Variants in ELAVL2 observed in about 807,000 individuals in gnomAD.
ELAVL2 encodes ELAV-like protein 2.
In ELAVL2, 4 loss-of-function variants were observed where a neutral mutation model predicts 34.6. The observed-to-expected ratio is 0.12, with a 90% confidence interval of 0.06 to 0.26. The LOEUF is 0.26. Ranked by LOEUF, ELAVL2 falls within the 10% of genes least tolerant of loss-of-function variation. ELAVL2 has a pLI of 1.00. For missense variants in ELAVL2, 432 were observed against 442.8 expected, an observed-to-expected ratio of 0.98 and a Z score of 0.22; for synonymous variants, 193 against 154.8, an observed-to-expected ratio of 1.25 and a Z score of -1.83.
chr9:23,770,454 A>G (rs2057104982), intron 1 of ELAVL2, among the ~76,000 whole-genome samples: 1 of 152,200 alleles, frequency 6.6e-6, no homozygotes, highest in African/African-American at 2.4e-5. Context: ...TTGTAGAATT[A>G]AAGCTGCTAA....
chr9:23,704,847 G>T, intron 4 of ELAVL2, 71 bp downstream of exon 4: 1 of 1,579,488 alleles, frequency 6.3e-7, no homozygotes, highest in Admixed American at 1.7e-5. Flanking sequence ...CTGCTACATG[G>T]AAAGACAGAA....
intron 3 of ELAVL2, among the ~76,000 whole-genome samples, chr9:23,729,487 T>G (rs1213022442): frequency 6.6e-6 from 1 of 152,144 alleles, no homozygotes; most frequent in African/African-American, 2.4e-5. Flanking sequence ...ACAGAAAGTA[T>G]GCAGAGAAAT....
intron 1 of ELAVL2, among the ~76,000 whole-genome samples, chr9:23,764,518 T>C (rs1049687522): frequency 3.3e-5 from 5 of 152,198 alleles, no homozygotes; most frequent in African/African-American, 9.6e-5. Flanking sequence ...GCATATTCCA[T>C]TGATAGGCTC....
At position 23,692,426 on chromosome 9, in the gene ELAVL2, G is replaced by A. The variant is rs1321297820; in HGVS notation, c.*131C>T. ...AATAAAAAATCTCACATATTTCTTA[G>A]GATGCTAAGTAGTCATTTTATCCCC... On this transcript the variant is annotated 3_prime_UTR_variant, in exon 7 of 7. Transcript: ENST00000397312. The A allele has an allele frequency of 3.4e-6, 3 of 890,612 alleles. No individual in the cohort carries two copies. Among genetic ancestry groups the A allele is most frequent in the Admixed American group, 6.0e-5 (2 of 33,448 alleles). The allele number at this position is 890,612 out of a possible 1,614,324, so 55.2% of individuals were successfully genotyped here.
At chr9:23,784,852 C>T (rs1276404400) in intron 1 of ELAVL2, among the ~76,000 whole-genome samples, 1 of 152,106 alleles carries the variant, frequency 6.6e-6, no homozygotes, top group African/African-American at 2.4e-5. Context: ...ACTTAATATC[C>T]GTAGGGAAAA....
chr9:23,765,869 A>T (rs1414860308), intron 1 of ELAVL2, among the ~76,000 whole-genome samples: 1 of 152,186 alleles, frequency 6.6e-6, no homozygotes, highest in Non-Finnish European at 1.5e-5. Context: ...GCACGATTTG[A>T]AATTAGTGCT....
At chr9:23,804,177 A>ATTTTT (rs143957071) in intron 1 of ELAVL2, among the ~76,000 whole-genome samples, 2 of 148,364 alleles carry the variant, frequency 1.3e-5, no homozygotes, top group South Asian at 2.1e-4. Flanking sequence ...TTATTTATTT[A>ATTTTT]TTTATTTTTT....
chr9:23,778,603 A>G (rs2058594698), intron 1 of ELAVL2, among the ~76,000 whole-genome samples: 1 of 152,192 alleles, frequency 6.6e-6, no homozygotes, highest in South Asian at 2.1e-4. Context: ...TTTTAAGTAA[A>G]AGAGTATCAT....
chr9:23,758,993 T>C (rs1190748052), intron 2 of ELAVL2, among the ~76,000 whole-genome samples: 28 of 152,020 alleles, frequency 1.8e-4, no homozygotes, highest in Admixed American at 2.6e-4. Context: ...AAATACACTA[T>C]GAAAAATGGT....
intron 2 of ELAVL2, among the ~76,000 whole-genome samples, chr9:23,750,211 T>C (rs777253450): frequency 1.3e-5 from 2 of 152,080 alleles, no homozygotes; most frequent in Non-Finnish European, 2.9e-5. Context: ...ATATTCTACT[T>C]TTAAGTAGCA....
intron 1 of ELAVL2, among the ~76,000 whole-genome samples, chr9:23,820,737 C>T (rs2064480182): frequency 6.6e-6 from 1 of 152,198 alleles, no homozygotes; most frequent in African/African-American, 2.4e-5. Flanking sequence ...CACACTAGTC[C>T]GTGCACCCCG....
chr9:23,822,502 G>A (rs995725324), intron 1 of ELAVL2, among the ~76,000 whole-genome samples: 2 of 152,066 alleles, frequency 1.3e-5, no homozygotes, highest in Admixed American at 6.5e-5. Flanking sequence ...CCGAGGGGGC[G>A]TCCCATCGCT....
chr9:23,711,864 A>G (rs2041054270), intron 3 of ELAVL2, among the ~76,000 whole-genome samples: 1 of 150,686 alleles, frequency 6.6e-6, no homozygotes, highest in South Asian at 2.1e-4. Flanking sequence ...ATCACATATT[A>G]AATTGAGAGT....
Position 23,752,557 on chromosome 9 carries a change from C to T in ELAVL2, c.229+9449G>A, listed in dbSNP as rs10966066. 2.9e-4 allele frequency among the ~76,000 whole-genome samples: 44 copies of T among 151,852 alleles called. No individual in the cohort carries two copies. In the East Asian group the frequency reaches 8.4e-3, roughly 29 times the overall value. The stretch of plus-strand genomic sequence containing the variant: ...GCAACCTCCGCCTCCCGGGTTGAAG[C>T]GATTCTCCTGTCTCAGCCTCCTGAA... On this transcript the variant is annotated intron_variant, in intron 2 of 6. Coordinates refer to ENST00000397312, the MANE Select transcript of ELAVL2 (RefSeq NM_004432.5).
chr9:23,773,203 T>C (rs983982288), intron 1 of ELAVL2, among the ~76,000 whole-genome samples: 1 of 152,186 alleles, frequency 6.6e-6, no homozygotes, highest in Non-Finnish European at 1.5e-5. Context: ...TAAGAATGTA[T>C]ATAAGAGTTA....
chr9:23,705,188 A>G (rs2038905541), intron 3 of ELAVL2, 117 bp from the exon 4 acceptor site: 1 of 1,188,216 alleles, frequency 8.4e-7, no homozygotes, highest in Admixed American at 2.5e-5. Context: ...CTGAAGTTCA[A>G]GCAAGTCAGG....
chr9:23,754,619 A>G (rs985807197), intron 2 of ELAVL2, among the ~76,000 whole-genome samples: 4 of 151,844 alleles, frequency 2.6e-5, no homozygotes, highest in African/African-American at 9.7e-5. Flanking sequence ...GCACCACCAC[A>G]CCTGGCTAAT....
intron 3 of ELAVL2, among the ~76,000 whole-genome samples, chr9:23,720,268 G>C (rs770453174): frequency 4.6e-5 from 7 of 151,798 alleles, no homozygotes; most frequent in Non-Finnish European, 7.4e-5. Flanking sequence ...CGCCTCCCAA[G>C]TTCAAGTAAT....
At chr9:23,711,481 C>G (rs943383545) in intron 3 of ELAVL2, among the ~76,000 whole-genome samples, 4 of 152,180 alleles carry the variant, frequency 2.6e-5, no homozygotes, top group Non-Finnish European at 4.4e-5. Flanking sequence ...CTGGCTACCT[C>G]TTCCATACAA....
Sources: allele counts gnomAD v4.1 joint callset (sites outside exome capture counted in the v4.1 genomes callset), GRCh38; gene constraint gnomAD v4.1.1; transcripts MANE v1.5; gene names NCBI Gene and HGNC (gene_info 2026-07-23, HGNC 2026-07-21).